Variants in CSMD1 observed in about 807,000 individuals in gnomAD.
The protein encoded by CSMD1 is CUB and sushi domain-containing protein 1.
A neutral mutation model predicts 417.5 loss-of-function variants in CSMD1; 213 were observed. That is an observed-to-expected ratio of 0.51 (90% CI 0.46 to 0.57). The LOEUF (loss-of-function observed/expected upper bound fraction) is 0.57. Among genes scored for constraint, CSMD1 ranks in the 20% least tolerant of loss-of-function variants. The probability of loss-of-function intolerance (pLI) is 0.00; values close to 1 mark genes in which losing one functional copy is unlikely to be tolerated. For synonymous variants in CSMD1, 2,862 were observed against 1,736.8 expected (o/e 1.65, Z -16.11); for missense variants, 6,923 against 4,529.7 (o/e 1.53, Z -15.17).
intron 19 of CSMD1, among the ~76,000 whole-genome samples, chr8:3,368,367 C>T (rs181143797): frequency 1.7e-3 from 252 of 152,232 alleles, no homozygotes; most frequent in African/African-American, 5.3e-3. Flanking sequence ...GATAGAGTCT[C>T]GCTCTATCTC....
intron 1 of CSMD1, among the ~76,000 whole-genome samples, chr8:4,967,248 C>G (rs1371995824): frequency 6.6e-6 from 1 of 152,130 alleles, no homozygotes; most frequent in Non-Finnish European, 1.5e-5. Flanking sequence ...TTGGATAATA[C>G]TTAGGTTGAG....
chr8:4,685,312 G>A (rs1806300998), intron 1 of CSMD1, among the ~76,000 whole-genome samples: 1 of 152,156 alleles, frequency 6.6e-6, no homozygotes, highest in African/African-American at 2.4e-5. Flanking sequence ...GTTGGCTCAT[G>A]CCTGTAATCC....
intron 3 of CSMD1, among the ~76,000 whole-genome samples, chr8:4,398,601 T>TA (rs1307867325): frequency 2.6e-5 from 4 of 151,986 alleles, no homozygotes; most frequent in African/African-American, 9.7e-5. Context: ...TTCACCGTGT[T>TA]AGCCAGGATT....
chr8:2,938,260 C>T lies in CSMD1; in HGVS notation c.*325G>A. On this transcript the variant is annotated 3_prime_UTR_variant, in exon 70 of 70. Transcript: ENST00000635120. ...ACGATTGCATTGAAAGGCATCTCAG[C>T]AACACAGAAATATGAAAGTCTGAGG... The T allele has an allele frequency of 4.0e-6, 1 of 252,684 alleles. No individual in the cohort carries two copies. Among genetic ancestry groups the T allele is most frequent in the Non-Finnish European group, 7.5e-6 (1 of 133,426 alleles). The allele number at this position is 252,684 out of a possible 1,614,324, so 15.7% of individuals were successfully genotyped here. A position where few individuals can be genotyped will look rare whatever the true frequency, so the allele number is the denominator to read the frequency against.
At chr8:3,442,625 G>C (rs972720283) in intron 12 of CSMD1, among the ~76,000 whole-genome samples, 4 of 152,084 alleles carry the variant, frequency 2.6e-5, no homozygotes, top group Admixed American at 6.5e-5. Context: ...ATCTGGGTTT[G>C]TGTAAGTGCA....
At chr8:4,561,453 C>G (rs1798326970) in intron 2 of CSMD1, among the ~76,000 whole-genome samples, 2 of 152,174 alleles carry the variant, frequency 1.3e-5, no homozygotes, top group South Asian at 4.1e-4. Context: ...TAGGCTGATG[C>G]AGGTGAAGCA....
chr8:3,239,820 T>G (rs1172015768), intron 26 of CSMD1, among the ~76,000 whole-genome samples: 1 of 151,866 alleles, frequency 6.6e-6, no homozygotes, highest in Non-Finnish European at 1.5e-5. Context: ...ATGGGGTGAA[T>G]GTCAGATGGA....
intron 69 of CSMD1, among the ~76,000 whole-genome samples, chr8:2,940,868 T>C (rs552163149): frequency 6.6e-6 from 1 of 152,290 alleles, no homozygotes; most frequent in South Asian, 2.1e-4. Flanking sequence ...AAAATAAATT[T>C]GTAGGAATTG....
chr8:4,018,631 T>A (rs1796636060), intron 4 of CSMD1, among the ~76,000 whole-genome samples: 1 of 152,244 alleles, frequency 6.6e-6, no homozygotes, highest in Non-Finnish European at 1.5e-5. Flanking sequence ...AAGCACATGT[T>A]TCTCAAGGAG....
intron 1 of CSMD1, among the ~76,000 whole-genome samples, chr8:4,673,915 G>A (rs187651772): frequency 6.6e-5 from 10 of 152,128 alleles, no homozygotes; most frequent in African/African-American, 1.7e-4. Flanking sequence ...GGGTTTGGGA[G>A]GATAGATAAA....
chr8:3,105,823 A>C (rs990950055), intron 46 of CSMD1, among the ~76,000 whole-genome samples: 5 of 152,254 alleles, frequency 3.3e-5, no homozygotes, highest in Non-Finnish European at 5.9e-5. Flanking sequence ...AAATGGCTAG[A>C]AAGATAACAG....
intron 18 of CSMD1, among the ~76,000 whole-genome samples, chr8:3,374,643 T>C (rs892492389): frequency 3.3e-5 from 5 of 152,112 alleles, no homozygotes; most frequent in African/African-American, 1.2e-4. Flanking sequence ...ATGGAGTAAG[T>C]GATACAAGGT....
chr8:4,080,186 G>A (rs923189939), intron 3 of CSMD1, among the ~76,000 whole-genome samples: 8 of 151,736 alleles, frequency 5.3e-5, no homozygotes, highest in African/African-American at 1.9e-4. Flanking sequence ...TCTTTACTTG[G>A]GTTCATTCTA....
intron 2 of CSMD1, among the ~76,000 whole-genome samples, chr8:4,559,157 G>C (rs189074452): frequency 2.0e-5 from 3 of 152,222 alleles, no homozygotes; most frequent in East Asian, 1.9e-4. Context: ...TCAAGATCTG[G>C]TCTTTGTATT....
chr8:4,094,883 A>G (rs1800918427), intron 3 of CSMD1, among the ~76,000 whole-genome samples: 2 of 152,196 alleles, frequency 1.3e-5, no homozygotes, highest in Admixed American at 6.5e-5. Context: ...GTGTATGTTA[A>G]AAGACAGATT....
chr8:4,447,194 G>T (rs537018415), intron 2 of CSMD1, among the ~76,000 whole-genome samples: 1 of 152,126 alleles, frequency 6.6e-6, no homozygotes, highest in Admixed American at 6.5e-5. Flanking sequence ...CAATTATTAT[G>T]GATAAGGGAA....
intron 3 of CSMD1, among the ~76,000 whole-genome samples, chr8:4,332,359 A>C (rs1799913852): frequency 6.6e-6 from 1 of 152,066 alleles, no homozygotes; most frequent in South Asian, 2.1e-4. Flanking sequence ...GGAAGACAGC[A>C]TTGCACTCAA....
At chr8:4,217,002 A>T (rs1441021748) in intron 3 of CSMD1, among the ~76,000 whole-genome samples, 4 of 152,100 alleles carry the variant, frequency 2.6e-5, no homozygotes, top group Admixed American at 6.5e-5. Flanking sequence ...CTCTAACTAG[A>T]ATTGTCTTGT....
chr8:3,313,191 T>C (rs1412103041), intron 23 of CSMD1, among the ~76,000 whole-genome samples: 3 of 152,152 alleles, frequency 2.0e-5, no homozygotes, highest in Non-Finnish European at 4.4e-5. Context: ...GGCAATACCA[T>C]TCAGGACATA....
Sources: gnomAD v4.1 joint callset for allele counts (sites outside exome capture counted in the v4.1 genomes callset) on GRCh38, gnomAD v4.1.1 for gene constraint, MANE v1.5 for transcripts, NCBI Gene and HGNC (gene_info 2026-07-23, HGNC 2026-07-21) for gene names.